CLDN16: variants seen among roughly 807,000 people sequenced by gnomAD.
The protein encoded by CLDN16 is claudin 16, also known as claudin-16.
Under a neutral mutation model 24.6 loss-of-function variants are expected in CLDN16, and 13 were observed. The observed-to-expected ratio is 0.53, with a 90% CI of 0.34 to 0.84. The LOEUF (loss-of-function observed/expected upper bound fraction) is 0.84. Ranked by LOEUF, CLDN16 falls within the 40% of genes least tolerant of loss-of-function variation. The pLI is 0.01. For missense variants in CLDN16, 298 were observed against 292.7 expected, an observed-to-expected ratio of 1.02 and a Z score of -0.13; for synonymous variants, 116 against 106.7, an observed-to-expected ratio of 1.09 and a Z score of -0.54.
Position 190,402,915 on chromosome 3 carries a change from A to C in CLDN16, c.217+476A>C, listed in dbSNP as rs550708836. On this transcript the variant is annotated intron_variant, in intron 2 of 4. Transcript: ENST00000264734. ...GAGTGGCAGAGGCAGAAAGAGGCAG[A>C]CAGCCAGAGAGAGAGACATAGACTA... Among the ~76,000 whole-genome samples, 10 of 152,306 alleles carry C rather than the reference A, an allele frequency of 6.6e-5. No individual in the cohort carries two copies. In the South Asian group the frequency reaches 2.1e-3, roughly 32 times the overall value.
intron 2 of CLDN16, among the ~76,000 whole-genome samples, chr3:190,402,774 T>C (rs975071721): frequency 3.3e-5 from 5 of 152,100 alleles, no homozygotes; most frequent in African/African-American, 1.2e-4. Flanking sequence ...GTGCTGTAAT[T>C]TCATTATTAA....
intron 1 of CLDN16, among the ~76,000 whole-genome samples, chr3:190,349,219 T>C (rs777210083): frequency 6.6e-6 from 1 of 152,288 alleles, no homozygotes; most frequent in Non-Finnish European, 1.5e-5. Flanking sequence ...GGCGATTGGA[T>C]CATGGGGATG....
chr3:190,334,841 C>A (rs1211985888), intron 1 of CLDN16, among the ~76,000 whole-genome samples: 1 of 152,174 alleles, frequency 6.6e-6, no homozygotes, highest in Non-Finnish European at 1.5e-5. Context: ...TCCTCTTCAC[C>A]AGTGGCTGGT....
the CLDN16 span, among the ~76,000 whole-genome samples, chr3:190,300,809 A>G: frequency 6.6e-6 from 1 of 152,132 alleles, no homozygotes; most frequent in African/African-American, 2.4e-5. Context: ...GGTTTCTATC[A>G]CATTAAATTA....
At chr3:190,346,054 A>C (rs1198803221) in intron 1 of CLDN16, among the ~76,000 whole-genome samples, 4 of 152,158 alleles carry the variant, frequency 2.6e-5, no homozygotes, top group Non-Finnish European at 5.9e-5. Context: ...AGTGTGATGG[A>C]AGTAGCCAAG....
At chr3:190,314,253 A>T in the CLDN16 span, among the ~76,000 whole-genome samples, 1 of 152,214 alleles carries the variant, frequency 6.6e-6, no homozygotes, top group Non-Finnish European at 1.5e-5. Context: ...GCCTAGGCTT[A>T]GTGTTAATAT....
chr3:190,363,237 A>T (rs1717938391), intron 1 of CLDN16, among the ~76,000 whole-genome samples: 1 of 151,568 alleles, frequency 6.6e-6, no homozygotes, highest in Non-Finnish European at 1.5e-5. Context: ...ACACCATTCA[A>T]TGAATTTTCT....
chr3:190,384,660 C>A (rs1011916983), upstream of CLDN16, among the ~76,000 whole-genome samples: 1 of 152,120 alleles, frequency 6.6e-6, no homozygotes, highest in Non-Finnish European at 1.5e-5. Context: ...AGCCTAGTAT[C>A]CATCCTGGAG....
At chr3:190,332,266 G>T (rs185804084) in intron 1 of CLDN16, among the ~76,000 whole-genome samples, 1 of 152,110 alleles carries the variant, frequency 6.6e-6, no homozygotes, top group African/African-American at 2.4e-5. Flanking sequence ...TAAATATATT[G>T]CAGATAATTA....
chr3:190,323,066 C>T (rs927331288), intron 1 of CLDN16, among the ~76,000 whole-genome samples: 1 of 150,308 alleles, frequency 6.7e-6, no homozygotes, highest in Non-Finnish European at 1.5e-5. Flanking sequence ...GTACTTGGCT[C>T]CCCTCCCAAT....
upstream of CLDN16, among the ~76,000 whole-genome samples, chr3:190,386,488 T>C (rs1718500691): frequency 6.6e-6 from 1 of 152,106 alleles, no homozygotes; most frequent in Non-Finnish European, 1.5e-5. Flanking sequence ...GAGGCAGCTA[T>C]TAAGTGACTA....
upstream of CLDN16, among the ~76,000 whole-genome samples, chr3:190,385,726 G>A (rs1718482506): frequency 6.6e-6 from 1 of 152,106 alleles, no homozygotes; most frequent in South Asian, 2.1e-4. Context: ...GCTAGTTAGG[G>A]AAGAGTTTGT....
At position 190,410,984 on chromosome 3, in the gene CLDN16, T is replaced by C. The variant is rs763316001; in HGVS notation, c.*948T>C. ...TTACTTAAAAAATCAATGTTGCGGC[T>C]GGGCACGGTAGCTCGCGTCTGTAAT... On this transcript the variant is annotated 3_prime_UTR_variant, in exon 5 of 5. Transcript: ENST00000264734. 1 of 152,192 alleles carries C rather than the reference T, an allele frequency of 6.6e-6. No individual in the cohort carries two copies. The highest frequency in any genetic ancestry group is 1.5e-5 in the Non-Finnish European group (1 of 68,034). 9.4% of individuals were successfully genotyped at this position (152,192 alleles called of 1,614,324 possible).
At chr3:190,405,674 G>A (rs1354846545) in intron 3 of CLDN16, among the ~76,000 whole-genome samples, 1 of 151,908 alleles carries the variant, frequency 6.6e-6, no homozygotes, top group South Asian at 2.1e-4. Flanking sequence ...CTTGTCCCAC[G>A]TACTAACCCA....
intron 1 of CLDN16, among the ~76,000 whole-genome samples, chr3:190,353,915 T>G (rs1350818223): frequency 6.6e-6 from 1 of 152,070 alleles, no homozygotes; most frequent in Non-Finnish European, 1.5e-5. Context: ...ATTTGTTCGC[T>G]CCCAATTCTG....
intron 1 of CLDN16, among the ~76,000 whole-genome samples, chr3:190,367,464 T>C (rs1277631449): frequency 6.6e-6 from 1 of 151,890 alleles, no homozygotes; most frequent in Admixed American, 6.6e-5. Flanking sequence ...CAGGGTGAAT[T>C]TCTTCAGCGG....
At chr3:190,368,824 AT>A (rs1264458039) in intron 1 of CLDN16, among the ~76,000 whole-genome samples, 11 of 151,722 alleles carry the variant, frequency 7.3e-5, no homozygotes, top group African/African-American at 2.7e-4. Flanking sequence ...TTTCCTCTGT[AT>A]TTTTTCCCTT....
At chr3:190,364,417 G>T (rs1717974417) in intron 1 of CLDN16, among the ~76,000 whole-genome samples, 1 of 151,886 alleles carries the variant, frequency 6.6e-6, no homozygotes, top group Non-Finnish European at 1.5e-5. Flanking sequence ...TGACTTTGTG[G>T]TTCTGACAGA....
the CLDN16 span, among the ~76,000 whole-genome samples, chr3:190,315,864 C>T: frequency 2.6e-5 from 4 of 152,114 alleles, no homozygotes; most frequent in African/African-American, 7.2e-5. Flanking sequence ...TCTCATGAGT[C>T]GGACTGTGTA....
Sources: gnomAD v4.1 joint callset for allele counts (sites outside exome capture counted in the v4.1 genomes callset) on GRCh38, gnomAD v4.1.1 for gene constraint, MANE v1.5 for transcripts, NCBI Gene and HGNC (gene_info 2026-07-23, HGNC 2026-07-21) for gene names.